The following ZFPM2 variants were observed in gnomAD, a reference collection of about 807,000 sequenced individuals.
The protein encoded by ZFPM2 is zinc finger protein ZFPM2.
A neutral mutation model predicts 98.6 loss-of-function variants in ZFPM2; 20 were observed. The observed-to-expected ratio is 0.20, with a 90% CI of 0.14 to 0.29. ZFPM2 has a LOEUF of 0.29. ZFPM2 is among the 10% of genes least tolerant of loss of function. The probability of loss-of-function intolerance (pLI) is 1.00; values close to 1 mark genes in which losing one functional copy is unlikely to be tolerated. For synonymous variants in ZFPM2, 518 were observed against 502.7 expected, an observed-to-expected ratio of 1.03 and a Z score of -0.41; for missense variants, 1,310 against 1,388.6, an observed-to-expected ratio of 0.94 and a Z score of 0.90.
At chr8:105,412,177 C>T (rs1012293160) in intron 1 of ZFPM2, among the ~76,000 whole-genome samples, 10 of 151,714 alleles carry the variant, frequency 6.6e-5, no homozygotes, top group African/African-American at 2.4e-4. Flanking sequence ...TACATTTTTT[C>T]TCCCTAAAGA....
intron 3 of ZFPM2, among the ~76,000 whole-genome samples, chr8:105,512,937 T>C (rs1200767406): frequency 6.6e-6 from 1 of 152,186 alleles, no homozygotes; most frequent in African/African-American, 2.4e-5. Context: ...CTTTTAAATG[T>C]AGAAATAGCT....
intron 5 of ZFPM2, among the ~76,000 whole-genome samples, chr8:105,688,366 G>A (rs1190584365): frequency 6.6e-6 from 1 of 152,046 alleles, no homozygotes; most frequent in African/African-American, 2.4e-5. Flanking sequence ...CATGATGTAA[G>A]CTTTAAAATA....
chr8:105,484,455 C>T (rs965383626), intron 3 of ZFPM2, among the ~76,000 whole-genome samples: 9 of 151,792 alleles, frequency 5.9e-5, no homozygotes, highest in African/African-American at 1.9e-4. Context: ...TTGTTATACC[C>T]TTATGGATGT....
chr8:105,500,393 C>G (rs977872583), intron 3 of ZFPM2, among the ~76,000 whole-genome samples: 5 of 152,130 alleles, frequency 3.3e-5, no homozygotes, highest in African/African-American at 1.2e-4. Flanking sequence ...AGAAATTATT[C>G]TAAATAATGT....
intron 3 of ZFPM2, among the ~76,000 whole-genome samples, chr8:105,450,917 C>A (rs963806097): frequency 1.3e-5 from 2 of 151,776 alleles, no homozygotes; most frequent in African/African-American, 2.4e-5. Flanking sequence ...TAAAAAAGTT[C>A]TCTTTTATTC....
At chr8:105,799,246 A>G (rs1813927613) in intron 7 of ZFPM2, among the ~76,000 whole-genome samples, 1 of 152,220 alleles carries the variant, frequency 6.6e-6, no homozygotes, top group Non-Finnish European at 1.5e-5. Flanking sequence ...TACCCTTTGA[A>G]TATTGCCATT....
At chr8:105,451,619 A>G (rs1812486827) in intron 3 of ZFPM2, 1 of 152,228 alleles carries the variant, frequency 6.6e-6, no homozygotes, top group African/African-American at 2.4e-5. Flanking sequence ...TCTACATGCC[A>G]AGGAAAGCTA....
At chr8:105,660,867 TAGAA>T (rs1817374771) in intron 5 of ZFPM2, among the ~76,000 whole-genome samples, 1 of 152,158 alleles carries the variant, frequency 6.6e-6, no homozygotes, top group South Asian at 2.1e-4. Context: ...TATAATATCA[TAGAA>T]AGCATCATAT....
At chr8:105,752,373 T>G (rs1812500129) in intron 5 of ZFPM2, among the ~76,000 whole-genome samples, 1 of 152,144 alleles carries the variant, frequency 6.6e-6, no homozygotes, top group African/African-American at 2.4e-5. Flanking sequence ...TTTCCGAGAC[T>G]ATGAACTTTA....
chr8:105,662,532 T>C (rs926673826), intron 5 of ZFPM2: 10 of 151,990 alleles, frequency 6.6e-5, no homozygotes, highest in African/African-American at 2.4e-4. Context: ...TTTTTCTCCT[T>C]CTTTAGCAGC....
At chr8:105,502,111 G>GT (rs1268610431) in intron 3 of ZFPM2, among the ~76,000 whole-genome samples, 26 of 152,096 alleles carry the variant, frequency 1.7e-4, no homozygotes, top group Non-Finnish European at 3.7e-4. Flanking sequence ...CAAATTAGAT[G>GT]TTCAACTTTA....
At chr8:105,332,885 AC>A in intron 1 of ZFPM2, among the ~76,000 whole-genome samples, 1 of 151,770 alleles carries the variant, frequency 6.6e-6, no homozygotes, top group East Asian at 1.9e-4. Flanking sequence ...CAAAGATGAA[AC>A]TATGTGAGTG....
At chr8:105,606,235 A>C (rs569704348) in intron 4 of ZFPM2, among the ~76,000 whole-genome samples, 2 of 152,240 alleles carry the variant, frequency 1.3e-5, no homozygotes, top group Admixed American at 6.6e-5. Flanking sequence ...TCTAAATATT[A>C]TCTCTCCTCA....
At chr8:105,685,367 G>A (rs1810707585) in intron 5 of ZFPM2, among the ~76,000 whole-genome samples, 1 of 152,064 alleles carries the variant, frequency 6.6e-6, no homozygotes, top group Admixed American at 6.6e-5. Context: ...TAAATACCAT[G>A]CAGAAAATAA....
intron 5 of ZFPM2, among the ~76,000 whole-genome samples, chr8:105,709,194 A>C (rs1811326334): frequency 6.6e-6 from 1 of 152,200 alleles, no homozygotes; most frequent in African/African-American, 2.4e-5. Flanking sequence ...GACATGACTC[A>C]CAATTTTTTG....
chr8:105,701,419 GCATA>G (rs1811138976), intron 5 of ZFPM2, among the ~76,000 whole-genome samples: 2 of 152,092 alleles, frequency 1.3e-5, no homozygotes, highest in Non-Finnish European at 2.9e-5. Context: ...TATTCTAAAA[GCATA>G]TGTAATATAC....
intron 4 of ZFPM2, among the ~76,000 whole-genome samples, chr8:105,590,605 T>C (rs1815820146): frequency 6.6e-6 from 1 of 152,278 alleles, no homozygotes; most frequent in Non-Finnish European, 1.5e-5. Flanking sequence ...AGAAATGTTT[T>C]GTCCAAAACT....
At chr8:105,455,821 A>T (rs541367597) in intron 3 of ZFPM2, among the ~76,000 whole-genome samples, 1 of 152,298 alleles carries the variant, frequency 6.6e-6, no homozygotes, top group South Asian at 2.1e-4. Flanking sequence ...TTGGATTTTT[A>T]ATATGGCACG....
intron 2 of ZFPM2, among the ~76,000 whole-genome samples, chr8:105,441,455 A>AG (rs1554604944): frequency 0.028 from 1,559 of 56,234 alleles, 303 homozygotes; most frequent in Admixed American, 0.077. Flanking sequence ...AGAGAGAGAG[A>AG]AAGAAAGAAA....
Sources: allele counts gnomAD v4.1 joint callset (sites outside exome capture counted in the v4.1 genomes callset), GRCh38; gene constraint gnomAD v4.1.1; transcripts MANE v1.5; gene names NCBI Gene and HGNC (gene_info 2026-07-23, HGNC 2026-07-21).